WDR72: variants seen among roughly 807,000 people sequenced by gnomAD.
The protein encoded by WDR72 is WD repeat domain 72.
A neutral mutation model predicts 124.2 loss-of-function variants in WDR72; 120 were observed. The ratio of observed to expected loss-of-function variants is 0.97; its 90% CI spans 0.83 to 1.12. WDR72 has a LOEUF of 1.12. Ranked by LOEUF, WDR72 falls within the 50% of genes most tolerant of loss-of-function variation. The pLI, the probability that WDR72 is intolerant of heterozygous loss-of-function variation, is 0.00. For missense variants in WDR72, 1,387 were observed against 1,278.8 expected (o/e 1.08, Z -1.29); for synonymous variants, 452 against 441.7 (o/e 1.02, Z -0.29).
intron 18 of WDR72, among the ~76,000 whole-genome samples, chr15:53,564,413 G>A (rs1486341646): frequency 1.3e-5 from 2 of 151,848 alleles, no homozygotes; most frequent in African/African-American, 4.8e-5. Context: ...TCCTAGGACA[G>A]CATCTAAAGA....
chr15:53,590,367 G>T lies in WDR72; in HGVS notation c.3148+6712C>A, dbSNP rs528837045. On this transcript the variant is annotated intron_variant, in intron 18 of 19. Transcript: ENST00000360509. ...CTGTTAATTCATATTCCAAATAAAA[G>T]TCTTCAATATTAATTACATCTTTAT... 2.6e-5 allele frequency among the ~76,000 whole-genome samples: 4 copies of T among 152,046 alleles called. No individual in the cohort carries two copies. The East Asian group carries it at 7.8e-4, about 30-fold the overall frequency.
chr15:53,669,811 G>T (rs1375853449), intron 13 of WDR72, among the ~76,000 whole-genome samples: 4 of 152,186 alleles, frequency 2.6e-5, no homozygotes, highest in Non-Finnish European at 5.9e-5. Context: ...ATACAGAATA[G>T]CTACTGTTTC....
At chr15:53,642,585 C>T (rs1048285153) in intron 14 of WDR72, among the ~76,000 whole-genome samples, 3 of 151,984 alleles carry the variant, frequency 2.0e-5, no homozygotes, top group Non-Finnish European at 4.4e-5. Context: ...CCTCTCTGTA[C>T]TGTCAAGCAT....
intron 1 of WDR72, 68 bp from the exon 2 acceptor site, chr15:53,733,229 T>C (rs2018255514): frequency 1.3e-6 from 2 of 1,550,548 alleles, no homozygotes; most frequent in Admixed American, 3.4e-5. Flanking sequence ...CCGATAATAT[T>C]ACAAGCAGAT....
chr15:53,635,881 G>A (rs1183033549), intron 14 of WDR72, among the ~76,000 whole-genome samples: 1 of 152,052 alleles, frequency 6.6e-6, no homozygotes, highest in Admixed American at 6.6e-5. Flanking sequence ...CTGTTAATAA[G>A]ACATGCCATT....
intron 1 of WDR72, among the ~76,000 whole-genome samples, chr15:53,734,902 T>C (rs889492313): frequency 2.6e-5 from 4 of 151,880 alleles, no homozygotes; most frequent in Admixed American, 6.6e-5. Context: ...ATAATAATTA[T>C]ATATAAAAAA....
intron 14 of WDR72, among the ~76,000 whole-genome samples, chr15:53,625,964 C>G (rs901288443): frequency 6.6e-6 from 1 of 152,156 alleles, no homozygotes; most frequent in Admixed American, 6.5e-5. Flanking sequence ...TGGTTTTACT[C>G]CTGGCTTTTG....
In WDR72 at chr15:53,616,162, GA is replaced by G; in HGVS notation, c.2043del (p.Leu682PhefsTer32). On this transcript the variant is annotated frameshift_variant, in exon 15 of 20. Coordinates refer to ENST00000360509, the MANE Select transcript of WDR72 (RefSeq NM_182758.4). LOFTEE classifies it high-confidence loss of function. Reference sequence around the variant, plus strand: ...ACAAGGTTTTCCAGATCAAATAGAAGAATATGAAAGCCAACGTTACTCCATT... The same window carrying G: ...ACAAGGTTTTCCAGATCAAATAGAAGATATGAAAGCCAACGTTACTCCATT... ...KTKWSNVGFH[I>X]LLFDLENLVE... 1.9e-6 allele frequency: 3 copies of G among 1,606,736 alleles called. No individual in the cohort carries two copies. The highest frequency in any genetic ancestry group is 2.5e-6 in the Non-Finnish European group (3 of 1,177,390).
At chr15:53,741,939 G>A (rs1567059674) in intron 1 of WDR72, among the ~76,000 whole-genome samples, 1 of 152,124 alleles carries the variant, frequency 6.6e-6, no homozygotes, top group South Asian at 2.1e-4. Context: ...TGTTGGCCAG[G>A]ATGGTCTCAA....
chr15:53,723,071 A>C (rs1567049191), intron 2 of WDR72, among the ~76,000 whole-genome samples, 163 bp from the exon 3 acceptor site: 1 of 152,218 alleles, frequency 6.6e-6, no homozygotes, highest in Non-Finnish European at 1.5e-5. Flanking sequence ...ACAGAGTAAT[A>C]AACTTCTAGG....
intron 18 of WDR72, among the ~76,000 whole-genome samples, chr15:53,525,272 T>C (rs1468840433): frequency 6.6e-6 from 1 of 152,086 alleles, no homozygotes; most frequent in Non-Finnish European, 1.5e-5. Context: ...ATGATTTTTA[T>C]CTCTATATAT....
rs867695726 is a variant in WDR72 at position 53,523,272 on chromosome 15, G to A, written c.3199C>T (p.Gln1067Ter). ...CTGTCAGGCATGTCCTCCACGTCTTGGAAGTTTGCCGAGTTTGAGTTGCTG... is the reference window on the plus strand; with the variant it reads ...CTGTCAGGCATGTCCTCCACGTCTTAGAAGTTTGCCGAGTTTGAGTTGCTG... ...HDSNSNSANF[Q>*]DVEDMPDRCA... Residue 1067 changes from glutamine to a stop codon, truncating the protein, a stop_gained, in exon 19 of 20, where the codon CAA becomes TAA. Coordinates refer to ENST00000360509, the MANE Select transcript of WDR72 (RefSeq NM_182758.4). LOFTEE classifies it high-confidence loss of function. 1 of 1,613,070 alleles carries A rather than the reference G, an allele frequency of 6.2e-7. No individual in the cohort carries two copies. The highest frequency in any genetic ancestry group is 1.1e-5 in the South Asian group (1 of 91,064).
At chr15:53,686,580 A>G (rs2016634739) in intron 13 of WDR72, among the ~76,000 whole-genome samples, 1 of 151,636 alleles carries the variant, frequency 6.6e-6, no homozygotes, top group African/African-American at 2.4e-5. Flanking sequence ...AGTGACCTAC[A>G]AAGAGACTTA....
At chr15:53,583,707 A>G (rs1375943217) in intron 18 of WDR72, among the ~76,000 whole-genome samples, 1 of 152,020 alleles carries the variant, frequency 6.6e-6, no homozygotes, top group African/African-American at 2.4e-5. Flanking sequence ...CTTCTGAAAC[A>G]CTGTTTCACA....
intron 14 of WDR72, among the ~76,000 whole-genome samples, chr15:53,632,307 G>T (rs768523773): frequency 3.0e-4 from 45 of 152,062 alleles, no homozygotes; most frequent in Non-Finnish European, 4.7e-4. Flanking sequence ...GGTAAGCTTT[G>T]GCAGTTTCCA....
At chr15:53,712,668 T>A in intron 7 of WDR72, 104 bp downstream of exon 7, 1 of 1,174,862 alleles carries the variant, frequency 8.5e-7, no homozygotes. Context: ...GTAATACTAT[T>A]ACAGAGAATT....
At chr15:53,760,785 G>C (rs1241313303), upstream of WDR72, among the ~76,000 whole-genome samples, 4 of 152,160 alleles carry the variant, frequency 2.6e-5, no homozygotes, top group South Asian at 6.2e-4. Flanking sequence ...TGGTACTAAA[G>C]AGCTTAAACA....
intron 2 of WDR72, among the ~76,000 whole-genome samples, chr15:53,729,493 AAAC>A (rs386383024): frequency 6.7e-6 from 1 of 150,226 alleles, no homozygotes; most frequent in East Asian, 1.9e-4. Context: ...AGTGAAAAAA[AAAC>A]AAAACAAAAC....
intron 14 of WDR72, among the ~76,000 whole-genome samples, chr15:53,650,546 C>A (rs2015197573): frequency 6.6e-6 from 1 of 152,146 alleles, no homozygotes; most frequent in Admixed American, 6.5e-5. Flanking sequence ...CATCTCCAGT[C>A]ATATCAACTT....
Sources: gnomAD v4.1 joint callset for allele counts (sites outside exome capture counted in the v4.1 genomes callset) on GRCh38, gnomAD v4.1.1 for gene constraint, MANE v1.5 for transcripts, NCBI Gene and HGNC (gene_info 2026-07-23, HGNC 2026-07-21) for gene names.